The following PAK2 variants were observed in gnomAD, a reference collection of about 807,000 sequenced individuals.
PAK2 encodes p21 (RAC1) activated kinase 2, also known as serine/threonine-protein kinase PAK 2.
A neutral mutation model predicts 65.9 loss-of-function variants in PAK2; 21 were observed. The observed-to-expected ratio is 0.32, with a 90% CI of 0.23 to 0.46. The LOEUF (loss-of-function observed/expected upper bound fraction) is 0.46, where lower values mean the gene tolerates loss of function less well. PAK2 is among the 20% of genes least tolerant of loss of function. The probability of loss-of-function intolerance (pLI) is 1.00; values close to 1 mark genes in which losing one functional copy is unlikely to be tolerated. For synonymous variants in PAK2, 204 were observed against 219.7 expected, an observed-to-expected ratio of 0.93 and a Z score of 0.63; for missense variants, 324 against 642.6, an observed-to-expected ratio of 0.50 and a Z score of 5.36.
chr3:196,810,124 A>G (rs756468440), intron 7 of PAK2, among the ~76,000 whole-genome samples: 4 of 152,066 alleles, frequency 2.6e-5, no homozygotes, highest in Middle Eastern at 6.8e-3. Flanking sequence ...AATACTAAGT[A>G]GTCTCAAACT....
At chr3:196,808,149 C>G in intron 7 of PAK2, 1 of 329,468 alleles carries the variant, frequency 3.0e-6, no homozygotes, top group South Asian at 4.1e-5. Flanking sequence ...GAAACCCCGT[C>G]TCTACTAAAA....
chr3:196,741,884 G>A (rs1221645708), intron 1 of PAK2, among the ~76,000 whole-genome samples: 5 of 152,134 alleles, frequency 3.3e-5, no homozygotes, highest in African/African-American at 1.2e-4. Context: ...TTTTATGAAG[G>A]AAGAGTTCCT....
intron 1 of PAK2, among the ~76,000 whole-genome samples, chr3:196,749,662 T>C (rs1713503747): frequency 6.6e-6 from 1 of 152,214 alleles, no homozygotes; most frequent in African/African-American, 2.4e-5. Flanking sequence ...TGTATTTCAT[T>C]TTGTAAGAAA....
intron 13 of PAK2, among the ~76,000 whole-genome samples, chr3:196,823,543 G>GCAAA (rs200749102): frequency 0.017 from 2,527 of 151,622 alleles, 146 homozygotes; most frequent in Admixed American, 0.11. Context: ...CTGGATCCCC[G>GCAAA]CAAACAAACA....
intron 1 of PAK2, 50 bp from the exon 2 acceptor site, chr3:196,782,576 G>T (rs1200904739): frequency 1.0e-5 from 9 of 857,536 alleles, no homozygotes; most frequent in Admixed American, 7.4e-5. Context: ...TTTTTTGCTT[G>T]TTCGTGCTAT....
intron 3 of PAK2, among the ~76,000 whole-genome samples, chr3:196,802,793 G>A (rs1468712817): frequency 1.3e-5 from 2 of 151,234 alleles, no homozygotes; most frequent in Admixed American, 6.6e-5. Context: ...GCAGTGAGCC[G>A]AGATCTCGCA....
intron 1 of PAK2, among the ~76,000 whole-genome samples, chr3:196,745,153 T>TGTTGC (rs1168372525): frequency 1.6e-4 from 24 of 150,922 alleles, no homozygotes; most frequent in African/African-American, 5.8e-4. Context: ...TCTCACTCTG[T>TGTTGC]CACTCAGGCT....
chr3:196,789,797 G>A (rs980951149), intron 2 of PAK2, among the ~76,000 whole-genome samples: 2 of 152,134 alleles, frequency 1.3e-5, no homozygotes, highest in African/African-American at 4.8e-5. Flanking sequence ...CTGACGGGGG[G>A]GTGGTTTCGG....
intron 1 of PAK2, among the ~76,000 whole-genome samples, chr3:196,769,630 T>A (rs1475284783): frequency 7.6e-6 from 1 of 131,384 alleles, no homozygotes; most frequent in African/African-American, 3.0e-5. Flanking sequence ...GCTAACACGG[T>A]GAAACCCCGT....
chr3:196,766,781 T>C (rs1446581477), intron 1 of PAK2, among the ~76,000 whole-genome samples: 1 of 139,044 alleles, frequency 7.2e-6, no homozygotes, highest in African/African-American at 2.6e-5. Flanking sequence ...GTGATGGATG[T>C]CTTAATTTGA....
chr3:196,807,169 A>G (rs574943726), intron 6 of PAK2, among the ~76,000 whole-genome samples: 1 of 152,152 alleles, frequency 6.6e-6, no homozygotes, highest in Non-Finnish European at 1.5e-5. Context: ...CCAGGAAGAG[A>G]GGAATGACTG....
rs371525400 is a variant in PAK2, at chr3:196,799,451, G to A, written c.188-2476G>A. Among the ~76,000 whole-genome samples, 6 of 152,246 alleles carry A rather than the reference G, an allele frequency of 3.9e-5. No individual in the cohort carries two copies. In the East Asian group the frequency reaches 5.8e-4, roughly 15 times the overall value. On this transcript the variant is annotated intron_variant, in intron 2 of 14. Coordinates refer to ENST00000327134, the MANE Select transcript of PAK2 (RefSeq NM_002577.4). Reference sequence around the variant, plus strand: ...TTGAGACATGGGACCTTCAAGAGGCGACGCGAGTGCTCACGGATGGACTCA... The same window carrying A: ...TTGAGACATGGGACCTTCAAGAGGCAACGCGAGTGCTCACGGATGGACTCA...
At chr3:196,784,059 T>C (rs1714802320) in intron 2 of PAK2, among the ~76,000 whole-genome samples, 1 of 152,322 alleles carries the variant, frequency 6.6e-6, no homozygotes, top group East Asian at 1.9e-4. Flanking sequence ...CTTCTCAAAC[T>C]TCAGGTGATC....
chr3:196,817,110 T>G (rs1298617711), intron 11 of PAK2, among the ~76,000 whole-genome samples: 1 of 152,044 alleles, frequency 6.6e-6, no homozygotes, highest in Admixed American at 6.6e-5. Context: ...CTGTGCATGT[T>G]TACCAAGTGT....
At position 196,831,532 on chromosome 3, in the gene PAK2, T is replaced by C. The variant is rs985540929; in HGVS notation, c.*3127T>C. 1 of 152,208 alleles carries C rather than the reference T, an allele frequency of 6.6e-6. No individual in the cohort carries two copies. Among genetic ancestry groups the C allele is most frequent in the African/African-American group, 2.4e-5 (1 of 41,456 alleles). 9.4% of individuals were successfully genotyped at this position (152,208 alleles called of 1,614,324 possible). ...CACATAGTATTCATTCTCTTCCCTT[T>C]AACATAGAAGTGTCCAGCTGCGTAC... On this transcript the variant is annotated 3_prime_UTR_variant, in exon 15 of 15. Transcript: ENST00000327134.
chr3:196,797,121 G>A (rs1172364267), intron 2 of PAK2, among the ~76,000 whole-genome samples: 1 of 152,126 alleles, frequency 6.6e-6, no homozygotes, highest in Admixed American at 6.5e-5. Flanking sequence ...CACAATAACA[G>A]TAGAATATAC....
chr3:196,749,244 G>C (rs1713489706), intron 1 of PAK2, among the ~76,000 whole-genome samples: 1 of 152,004 alleles, frequency 6.6e-6, no homozygotes, highest in Admixed American at 6.5e-5. Context: ...CTTGTTTTCA[G>C]TTATTTCGGG....
chr3:196,771,818 A>G (rs991730759), intron 1 of PAK2, among the ~76,000 whole-genome samples: 1 of 152,094 alleles, frequency 6.6e-6, no homozygotes, highest in Non-Finnish European at 1.5e-5. Context: ...TAAGCCTCCC[A>G]AAGTGCTGGG....
At chr3:196,821,155 T>A (rs887687244) in intron 13 of PAK2, among the ~76,000 whole-genome samples, 3 of 152,106 alleles carry the variant, frequency 2.0e-5, no homozygotes, top group Non-Finnish European at 2.9e-5. Context: ...CTCTTTTTTT[T>A]AAATTACCAT....
Sources: gnomAD v4.1 joint callset for allele counts (sites outside exome capture counted in the v4.1 genomes callset) on GRCh38, gnomAD v4.1.1 for gene constraint, MANE v1.5 for transcripts, NCBI Gene and HGNC (gene_info 2026-07-23, HGNC 2026-07-21) for gene names.